Variants in PTPRD observed in about 807,000 individuals in gnomAD.
PTPRD encodes receptor-type tyrosine-protein phosphatase delta.
In PTPRD, 34 loss-of-function variants were observed where a neutral mutation model predicts 214.5. The observed-to-expected ratio is 0.16, with a 90% CI of 0.12 to 0.21. The LOEUF is 0.21. Ranked by LOEUF, PTPRD falls within the 10% of genes least tolerant of loss-of-function variation. The pLI, the probability that PTPRD is intolerant of heterozygous loss-of-function variation, is 1.00. For missense variants in PTPRD, 2,545 were observed against 2,398.7 expected, an observed-to-expected ratio of 1.06 and a Z score of -1.27; for synonymous variants, 1,128 against 845.7, an observed-to-expected ratio of 1.33 and a Z score of -5.79.
chr9:10,452,035 T>G (rs1376157991), intron 2 of PTPRD, among the ~76,000 whole-genome samples: 1 of 152,012 alleles, frequency 6.6e-6, no homozygotes, highest in African/African-American at 2.4e-5. Context: ...CACTTCTTAT[T>G]TATATCCTTA....
At chr9:9,986,340 AGTGT>A (rs1320106545) in intron 4 of PTPRD, among the ~76,000 whole-genome samples, 2 of 152,150 alleles carry the variant, frequency 1.3e-5, no homozygotes, top group African/African-American at 4.8e-5. Flanking sequence ...AGATAGACTA[AGTGT>A]CTATCAACAG....
At chr9:8,908,301 T>G (rs1037719252) in intron 11 of PTPRD, among the ~76,000 whole-genome samples, 1 of 152,292 alleles carries the variant, frequency 6.6e-6, no homozygotes, top group Admixed American at 6.5e-5. Context: ...CTAAAGGAAT[T>G]TCATCAGGCT....
intron 8 of PTPRD, among the ~76,000 whole-genome samples, chr9:9,479,170 A>G (rs2095270810): frequency 6.7e-6 from 1 of 148,914 alleles, no homozygotes. Flanking sequence ...AATAGTTCTT[A>G]TATGAGGAGA....
At chr9:9,090,331 T>C (rs918134063) in intron 10 of PTPRD, among the ~76,000 whole-genome samples, 1 of 152,184 alleles carries the variant, frequency 6.6e-6, no homozygotes, top group Admixed American at 6.5e-5. Flanking sequence ...TATGCCTGGC[T>C]TATTTCAATT....
chr9:10,058,752 C>A (rs768173423), intron 3 of PTPRD, among the ~76,000 whole-genome samples: 4 of 152,058 alleles, frequency 2.6e-5, no homozygotes, highest in African/African-American at 9.7e-5. Flanking sequence ...ACTGACATCC[C>A]CTGCTCAGTC....
At chr9:10,237,148 T>G (rs1202922820) in intron 3 of PTPRD, among the ~76,000 whole-genome samples, 1 of 151,808 alleles carries the variant, frequency 6.6e-6, no homozygotes, top group Non-Finnish European at 1.5e-5. Flanking sequence ...GTGGGGGATG[T>G]TGATAATGGG....
intron 3 of PTPRD, among the ~76,000 whole-genome samples, chr9:10,147,951 C>T (rs1325195993): frequency 6.6e-6 from 1 of 152,144 alleles, no homozygotes; most frequent in Non-Finnish European, 1.5e-5. Context: ...GTAGCAAGGT[C>T]TGAGCCCATT....
At chr9:9,891,276 A>G (rs1040449526) in intron 5 of PTPRD, among the ~76,000 whole-genome samples, 2 of 152,170 alleles carry the variant, frequency 1.3e-5, no homozygotes, top group South Asian at 2.1e-4. Context: ...AATATGCAAT[A>G]AACTCCCAAT....
At chr9:8,568,452 A>G (rs2090093365) in intron 14 of PTPRD, among the ~76,000 whole-genome samples, 1 of 152,132 alleles carries the variant, frequency 6.6e-6, no homozygotes, top group Admixed American at 6.5e-5. Flanking sequence ...AATCACCTAT[A>G]AAGAAATTGG....
chr9:9,516,515 ATATT>A (rs1164691282), intron 8 of PTPRD, among the ~76,000 whole-genome samples: 4 of 149,846 alleles, frequency 2.7e-5, no homozygotes, highest in African/African-American at 9.8e-5. Context: ...ATATACATAT[ATATT>A]TATTTTATTT....
In PTPRD at chr9:9,479,882, G is replaced by T. The variant is rs919773070; in HGVS notation, c.-236-82400C>A. The stretch of plus-strand genomic sequence containing the variant: ...TAATGAAGATGGCTGCAGGCTTATA[G>T]AAACTGACAATACTGAATGGTTATT... On this transcript the variant is annotated intron_variant, in intron 8 of 45. Transcript: ENST00000381196. 3.9e-5 allele frequency among the ~76,000 whole-genome samples: 6 copies of T among 152,250 alleles called. No individual in the cohort carries two copies. In the East Asian group the frequency reaches 1.2e-3, roughly 29 times the overall value.
chr9:8,858,941 C>G (rs868613890), intron 11 of PTPRD, among the ~76,000 whole-genome samples: 3 of 152,228 alleles, frequency 2.0e-5, no homozygotes, highest in Admixed American at 6.5e-5. Flanking sequence ...CAGATTCACT[C>G]ATCTCCTAAG....
chr9:9,150,544 C>A (rs932556689), intron 10 of PTPRD, among the ~76,000 whole-genome samples: 1 of 150,066 alleles, frequency 6.7e-6, no homozygotes, highest in South Asian at 2.1e-4. Flanking sequence ...GACTGGAGTG[C>A]AATGGTGTGA....
intron 9 of PTPRD, among the ~76,000 whole-genome samples, chr9:9,245,566 C>T (rs1037423434): frequency 6.7e-6 from 1 of 150,074 alleles, no homozygotes; most frequent in Non-Finnish European, 1.5e-5. Flanking sequence ...GGGAATTGAA[C>T]AATGAGAACA....
chr9:8,936,464 A>G (rs1361423004), intron 11 of PTPRD, among the ~76,000 whole-genome samples: 1 of 146,290 alleles, frequency 6.8e-6, no homozygotes, highest in Non-Finnish European at 1.5e-5. Flanking sequence ...GATGAAAAAT[A>G]ACTTCATCTA....
At chr9:10,612,011 T>G (rs2081127684) in intron 2 of PTPRD, among the ~76,000 whole-genome samples, 1 of 149,890 alleles carries the variant, frequency 6.7e-6, no homozygotes, top group African/African-American at 2.4e-5. Flanking sequence ...GGGCTGAGGT[T>G]GAAGGTGGCA....
intron 2 of PTPRD, among the ~76,000 whole-genome samples, chr9:10,564,880 C>T (rs1591036249): frequency 6.6e-6 from 1 of 152,226 alleles, no homozygotes; most frequent in Non-Finnish European, 1.5e-5. Flanking sequence ...GAAAGTTTTA[C>T]ATGCTATTCA....
At chr9:9,992,593 A>G (rs558904936) in intron 4 of PTPRD, among the ~76,000 whole-genome samples, 124 of 152,344 alleles carry the variant, frequency 8.1e-4, no homozygotes, top group African/African-American at 2.8e-3. Flanking sequence ...AATGTGGCAC[A>G]TATACACCAT....
intron 7 of PTPRD, among the ~76,000 whole-genome samples, chr9:9,601,169 GGA>G (rs982097736): frequency 1.3e-5 from 2 of 148,278 alleles, no homozygotes; most frequent in Non-Finnish European, 3.0e-5. Flanking sequence ...GGGAGAGTGG[GGA>G]GAGAGAGAGA....
Sources: allele counts gnomAD v4.1 joint callset (sites outside exome capture counted in the v4.1 genomes callset), GRCh38; gene constraint gnomAD v4.1.1; transcripts MANE v1.5; gene names NCBI Gene and HGNC (gene_info 2026-07-23, HGNC 2026-07-21).